The following HEMK2 variants were observed in gnomAD, a reference collection of about 807,000 sequenced individuals.
The protein encoded by HEMK2 is methyltransferase HEMK2.
the HEMK2 span, among the ~76,000 whole-genome samples, chr21:28,597,032 C>T: frequency 6.6e-6 from 1 of 152,144 alleles, no homozygotes; most frequent in African/African-American, 2.4e-5. Flanking sequence ...TTGATTCCTA[C>T]TCTTTCAGTC....
the HEMK2 span, among the ~76,000 whole-genome samples, chr21:28,643,790 T>C: frequency 6.6e-6 from 1 of 152,222 alleles, no homozygotes; most frequent in Non-Finnish European, 1.5e-5. Context: ...TAATTTGTTC[T>C]AGCAGCCTGA....
chr21:28,788,305 T>C, the HEMK2 span, among the ~76,000 whole-genome samples: 29 of 146,102 alleles, frequency 2.0e-4, no homozygotes, highest in Non-Finnish European at 2.5e-4. Context: ...CACACACACA[T>C]ATATATGTGT....
the HEMK2 span, among the ~76,000 whole-genome samples, chr21:28,580,569 A>C: frequency 5.2e-5 from 1 of 19,224 alleles, no homozygotes; most frequent in East Asian, 3.5e-4. Flanking sequence ...TAATGCACTT[A>C]AAAAAAAAAA....
chr21:28,831,518 A>AGAAGGAAG, the HEMK2 span, among the ~76,000 whole-genome samples: 41 of 76,722 alleles, frequency 5.3e-4, 5 homozygotes, highest in East Asian at 0.014. Context: ...AAAGAAAGAA[A>AGAAGGAAG]GAAAGAAGGA....
chr21:28,781,694 C>A, the HEMK2 span, among the ~76,000 whole-genome samples: 7 of 152,204 alleles, frequency 4.6e-5, no homozygotes, highest in Non-Finnish European at 8.8e-5. Flanking sequence ...CAGAGTATTA[C>A]CAACCAGGGA....
the HEMK2 span, among the ~76,000 whole-genome samples, chr21:28,746,387 G>A: frequency 2.6e-5 from 4 of 152,144 alleles, no homozygotes; most frequent in Admixed American, 2.0e-4. Context: ...ATGACATAAA[G>A]CATAGACATA....
the HEMK2 span, among the ~76,000 whole-genome samples, chr21:28,710,157 T>C: frequency 6.6e-6 from 1 of 152,208 alleles, no homozygotes; most frequent in African/African-American, 2.4e-5. Context: ...AGTTAGGTAA[T>C]TGGAGCACAG....
the HEMK2 span, chr21:28,874,358 T>A: frequency 2.0e-5 from 3 of 152,200 alleles, no homozygotes; most frequent in East Asian, 1.9e-4. Flanking sequence ...TAAAACACTA[T>A]CCCTTCAATG....
chr21:28,858,569 A>G, the HEMK2 span, among the ~76,000 whole-genome samples: 1 of 151,230 alleles, frequency 6.6e-6, no homozygotes, highest in Admixed American at 6.6e-5. Context: ...GAAAGGAGGA[A>G]GGGAGGGAGG....
chr21:28,824,689 G>C, the HEMK2 span, among the ~76,000 whole-genome samples: 2 of 152,292 alleles, frequency 1.3e-5, no homozygotes, highest in Admixed American at 6.5e-5. Flanking sequence ...AACAGTCCTA[G>C]TTGAAATGTA....
At chr21:28,797,710 G>T in the HEMK2 span, among the ~76,000 whole-genome samples, 1 of 152,110 alleles carries the variant, frequency 6.6e-6, no homozygotes. Context: ...CTATTAGGCT[G>T]AAATAGGCAC....
chr21:28,857,928 G>A, the HEMK2 span, among the ~76,000 whole-genome samples: 2 of 152,182 alleles, frequency 1.3e-5, no homozygotes, highest in African/African-American at 2.4e-5. Context: ...GATTGTGTCA[G>A]GTGTTAAGGT....
chr21:28,865,793 C>G, the HEMK2 span, among the ~76,000 whole-genome samples: 3 of 92,614 alleles, frequency 3.2e-5, no homozygotes, highest in East Asian at 6.7e-4. Context: ...TAGCCATTAT[C>G]AATTCTAGGA....
chr21:28,719,363 GGGT>G, the HEMK2 span, among the ~76,000 whole-genome samples: 1 of 152,106 alleles, frequency 6.6e-6, no homozygotes, highest in Admixed American at 6.5e-5. Context: ...TGAATCATGG[GGGT>G]GGTTTCCCCC....
At chr21:28,793,240 C>A in the HEMK2 span, among the ~76,000 whole-genome samples, 1 of 152,174 alleles carries the variant, frequency 6.6e-6, no homozygotes, top group African/African-American at 2.4e-5. Context: ...CCAAGACTCC[C>A]ATCTAGTGGT....
chr21:28,822,954 T>C, the HEMK2 span, among the ~76,000 whole-genome samples: 5 of 152,174 alleles, frequency 3.3e-5, no homozygotes, highest in Admixed American at 1.3e-4. Flanking sequence ...CAAACAGTAC[T>C]TTGCATTTTT....
the HEMK2 span, among the ~76,000 whole-genome samples, chr21:28,751,701 CAG>C: frequency 6.6e-6 from 1 of 152,192 alleles, no homozygotes; most frequent in Admixed American, 6.5e-5. Context: ...GTTTTTGAGA[CAG>C]AGTTTTGCTC....
At chr21:28,588,401 C>T in the HEMK2 span, among the ~76,000 whole-genome samples, 1 of 152,140 alleles carries the variant, frequency 6.6e-6, no homozygotes, top group Non-Finnish European at 1.5e-5. Flanking sequence ...TTTTCTGTGA[C>T]CCAACCCACC....
At chr21:28,775,924 C>T in the HEMK2 span, among the ~76,000 whole-genome samples, 1 of 151,568 alleles carries the variant, frequency 6.6e-6, no homozygotes, top group Non-Finnish European at 1.5e-5. Context: ...TGTTAAAATG[C>T]CATTGGAAAG....
Sources: allele counts gnomAD v4.1 joint callset (sites outside exome capture counted in the v4.1 genomes callset), GRCh38; gene constraint gnomAD v4.1.1; transcripts MANE v1.5; gene names NCBI Gene and HGNC (gene_info 2026-07-23, HGNC 2026-07-21).